The following PTPRN variants were observed in gnomAD, a reference collection of about 807,000 sequenced individuals.
The protein encoded by PTPRN is protein tyrosine phosphatase receptor type N.
In PTPRN, 70 loss-of-function variants were observed where a neutral mutation model predicts 108.5. That is an observed-to-expected ratio of 0.65 (90% CI 0.53 to 0.79). The LOEUF (loss-of-function observed/expected upper bound fraction) is 0.79, where lower values mean the gene tolerates loss of function less well. Ranked by LOEUF, PTPRN falls within the 30% of genes least tolerant of loss-of-function variation. PTPRN has a pLI of 0.00. For synonymous variants in PTPRN, 496 were observed against 524.6 expected (o/e 0.95, Z 0.75); for missense variants, 1,136 against 1,295.5 (o/e 0.88, Z 1.89).
chr2:219,301,394 T>C (rs1279792614), intron 7 of PTPRN, among the ~76,000 whole-genome samples, 194 bp downstream of exon 7: 2 of 152,216 alleles, frequency 1.3e-5, no homozygotes, highest in African/African-American at 2.4e-5. Context: ...AGTCTTTTCC[T>C]GATCTAACTC....
intron 19 of PTPRN, 50 bp downstream of exon 19, chr2:219,294,925 G>GC: frequency 7.1e-7 from 1 of 1,399,164 alleles, no homozygotes; most frequent in Non-Finnish European, 9.2e-7. Flanking sequence ...GCGGACCCCG[G>GC]CTCCGCCCCC....
Position 219,309,213 on chromosome 2 carries a change from C to A in PTPRN, c.115+5G>T. 6.5e-7 allele frequency: 1 copy of A among 1,531,282 alleles called. No individual in the cohort carries two copies. Among genetic ancestry groups the A allele is most frequent in the Non-Finnish European group, 8.8e-7 (1 of 1,139,038 alleles). The allele number at this position is 1,531,282 out of a possible 1,614,324, so 94.9% of individuals were successfully genotyped here. A position where few individuals can be genotyped will look rare whatever the true frequency, so the allele number is the denominator to read the frequency against. The stretch of plus-strand genomic sequence containing the variant: ...ACCACCCGCCAGCCCAAGTTTCCTC[C>A]TGACCGTGGGCACTAACGGCGCTGC... On this transcript the variant is annotated splice_donor_5th_base_variant and intron_variant, in intron 1 of 22. Coordinates refer to ENST00000295718, the MANE Select transcript of PTPRN (RefSeq NM_002846.4).
intron 19 of PTPRN, 84 bp downstream of exon 19, chr2:219,294,891 C>G (rs1285014731): frequency 3.5e-5 from 47 of 1,328,854 alleles, no homozygotes; most frequent in Non-Finnish European, 4.6e-5. Flanking sequence ...CAGGCCCGAC[C>G]CGGGGCTCCA....
Position 219,298,107 on chromosome 2 carries a change from T to G in PTPRN, c.1669-4A>C. On this transcript the variant is annotated splice_polypyrimidine_tract_variant and splice_region_variant and intron_variant, in intron 12 of 22. Transcript: ENST00000295718. Reference sequence around the variant, plus strand: ...GGACTGCAGCTGCCTCCTCCCTCTGTGGGAACAAGGCTAGAATCAAGGGAG... The same window carrying G: ...GGACTGCAGCTGCCTCCTCCCTCTGGGGGAACAAGGCTAGAATCAAGGGAG... The G allele has an allele frequency of 1.9e-6, 3 of 1,611,080 alleles. No homozygotes were observed. Among genetic ancestry groups the G allele is most frequent in the Non-Finnish European group, 2.5e-6 (3 of 1,179,660 alleles).
intron 3 of PTPRN, 21 bp from the exon 4 acceptor site, chr2:219,303,852 G>C (rs759252967): frequency 3.8e-6 from 6 of 1,588,536 alleles, no homozygotes; most frequent in Non-Finnish European, 4.3e-6. Flanking sequence ...AGAGGACAGC[G>C]TAAGTTGGTT....
chr2:219,307,436 G>C lies in PTPRN; in HGVS notation c.280+8C>G. On this transcript the variant is annotated splice_region_variant and intron_variant, in intron 3 of 22. Transcript: ENST00000295718. ...CAATCTCTCTCCTCCAGTGCACCCA[G>C]ACCTTACCTTGGGACATGAGTTGTC... 2 of 1,611,740 alleles carry C rather than the reference G, an allele frequency of 1.2e-6. No homozygotes were observed. Among genetic ancestry groups the C allele is most frequent in the South Asian group, 1.1e-5 (1 of 90,914 alleles).
At position 219,290,682 on chromosome 2, in the gene PTPRN, G is replaced by C; in HGVS notation, c.2795-71C>G. ...GAGGACAGGACCCAGAAAACCTGAG[G>C]CCTCCTGGAGGCAAAGAGCCTTGGA... On this transcript the variant is annotated intron_variant, in intron 21 of 22. Coordinates refer to ENST00000295718, the MANE Select transcript of PTPRN (RefSeq NM_002846.4). This position sits in a 1 kb window ranked among gnomAD's most constrained non-coding sequence, Gnocchi z 4.2. The C allele has an allele frequency of 6.7e-7, 1 of 1,485,708 alleles. No individual in the cohort carries two copies. The highest frequency in any genetic ancestry group is 1.2e-5 in the South Asian group (1 of 83,892). 92.0% of individuals were successfully genotyped at this position (1,485,708 alleles called of 1,614,324 possible). A position where few individuals can be genotyped will look rare whatever the true frequency, so the allele number is the denominator to read the frequency against.
chr2:219,302,033 C>T, intron 6 of PTPRN, 104 bp downstream of exon 6: 2 of 1,101,200 alleles, frequency 1.8e-6, no homozygotes, highest in Non-Finnish European at 1.3e-6. Flanking sequence ...GTATGAATGA[C>T]TTTAAGGACA....
intron 3 of PTPRN, chr2:219,304,045 A>G: frequency 2.4e-6 from 1 of 415,890 alleles, no homozygotes; most frequent in Non-Finnish European, 4.3e-6. Flanking sequence ...TGCCTTTGCT[A>G]CTGATGAATT....
In PTPRN at chr2:219,296,101, G is replaced by A. The variant is rs753612665; in HGVS notation, c.2508+125C>T. On this transcript the variant is annotated intron_variant, in intron 18 of 22. Coordinates refer to ENST00000295718, the MANE Select transcript of PTPRN (RefSeq NM_002846.4). The surrounding 1 kb of genome is among the most constrained non-coding windows in gnomAD (Gnocchi z 6.0). ...ATATTCATATATGTATGAATCATGA[G>A]CAGGGCCAATAAAAGCCTTTTTAAA... 401 of 1,342,508 alleles carry A rather than the reference G, an allele frequency of 3.0e-4. 3 individuals carry two copies. Among genetic ancestry groups the A allele is most frequent in the South Asian group, 7.9e-4 (60 of 75,772 alleles). The allele number at this position is 1,342,508 out of a possible 1,614,324, so 83.2% of individuals were successfully genotyped here. A position where few individuals can be genotyped will look rare whatever the true frequency, so the allele number is the denominator to read the frequency against.
chr2:219,301,656 G>T lies in PTPRN; in HGVS notation c.1058C>A (p.Thr353Asn), dbSNP rs201948312. 8.8e-5 allele frequency: 142 copies of T among 1,613,664 alleles called. 2 individuals carry two copies. The highest frequency in any genetic ancestry group is 6.7e-4 in the East Asian group (30 of 44,878). Residue 353 changes from threonine (T) to asparagine (N), a missense_variant, in exon 7 of 23, where the codon ACC becomes AAC. Physicochemically the swap from Thr to Asn is moderately conservative, Grantham distance 65. Transcript: ENST00000295718. ...AGYGVELRQL[T>N]PEQLSTLLTL... ...CAGGAGTGTGGAGAGCTGCTCAGGG[G>T]TCAGCTGACGCAGCTCTACCCCATA...
Position 219,299,129 on chromosome 2 carries a change from G to A in PTPRN, c.1604-18C>T. ...CACCAGCCCTGCAGGGAGGACAAAGGTCAGGCTTGCTCCAGCCCCATGTGG... is the reference window on the plus strand; with the variant it reads ...CACCAGCCCTGCAGGGAGGACAAAGATCAGGCTTGCTCCAGCCCCATGTGG... On this transcript the variant is annotated intron_variant, in intron 11 of 22. Transcript: ENST00000295718. 6.2e-7 allele frequency: 1 copy of A among 1,614,206 alleles called. No individual in the cohort carries two copies. The highest frequency in any genetic ancestry group is 1.6e-4 in the Middle Eastern group (1 of 6,062).
Position 219,296,667 on chromosome 2 carries a change from G to T in PTPRN, c.2310+82C>A. 1 of 1,571,668 alleles carries T rather than the reference G, an allele frequency of 6.4e-7. No individual in the cohort carries two copies. Among genetic ancestry groups the T allele is most frequent in the African/African-American group, 1.4e-5 (1 of 74,022 alleles). Reference sequence around the variant, plus strand: ...ACCACTCCAGGGGGTTGGTGGGGTGGCAGGTGACCACGGGGAAATGGAGTG... The same window carrying T: ...ACCACTCCAGGGGGTTGGTGGGGTGTCAGGTGACCACGGGGAAATGGAGTG... On this transcript the variant is annotated intron_variant, in intron 16 of 22. Transcript: ENST00000295718. The surrounding 1 kb of genome is among the most constrained non-coding windows in gnomAD (Gnocchi z 6.0).
chr2:219,296,871 T>G lies in PTPRN; in HGVS notation c.2237-49A>C, dbSNP rs1952211205. ...CCAGATGGCCCTCTGGTCATTGGCATCGCGGGACCTCTGCCACTCAGCCTG... is the reference window on the plus strand; with the variant it reads ...CCAGATGGCCCTCTGGTCATTGGCAGCGCGGGACCTCTGCCACTCAGCCTG... On this transcript the variant is annotated intron_variant, in intron 15 of 22. Transcript: ENST00000295718. The surrounding 1 kb of genome is among the most constrained non-coding windows in gnomAD (Gnocchi z 6.0). 1 of 1,613,464 alleles carries G rather than the reference T, an allele frequency of 6.2e-7. No homozygotes were observed. The highest frequency in any genetic ancestry group is 8.5e-7 in the Non-Finnish European group (1 of 1,179,542).
At chr2:219,295,313 T>TGAGCAGTA in intron 18 of PTPRN, 172 bp from the exon 19 acceptor site, 2 of 632,584 alleles carry the variant, frequency 3.2e-6, no homozygotes, top group Admixed American at 3.3e-5. Flanking sequence ...ACTTATCTAC[T>TGAGCAGTA]GCTCAGGACC....
intron 18 of PTPRN, chr2:219,295,975 GACAC>G (rs58673887): frequency 0.056 from 23,261 of 417,510 alleles, 934 homozygotes; most frequent in African/African-American, 0.19. Flanking sequence ...CTCTAGACAG[GACAC>G]ACACACACAC....
At chr2:219,305,982 T>C (rs1395123786) in intron 3 of PTPRN, among the ~76,000 whole-genome samples, 1 of 152,130 alleles carries the variant, frequency 6.6e-6, no homozygotes, top group Non-Finnish European at 1.5e-5. Context: ...AAACCCTGTC[T>C]CTATTAAAAA....
chr2:219,294,572 A>G (rs1952133842), intron 19 of PTPRN, among the ~76,000 whole-genome samples: 1 of 147,290 alleles, frequency 6.8e-6, no homozygotes, highest in Non-Finnish European at 1.5e-5. Flanking sequence ...CGGAGGGGGC[A>G]GCAAGGCAGC....
intron 19 of PTPRN, among the ~76,000 whole-genome samples, chr2:219,293,469 C>T (rs1241852097): frequency 1.3e-5 from 2 of 152,108 alleles, no homozygotes; most frequent in Non-Finnish European, 2.9e-5. Context: ...TGTGAACCAC[C>T]GCGCCCGGCC....
Sources: allele counts gnomAD v4.1 joint callset (sites outside exome capture counted in the v4.1 genomes callset), GRCh38; gene constraint gnomAD v4.1.1; non-coding constraint Gnocchi (gnomAD v3.1); transcripts MANE v1.5; gene names NCBI Gene and HGNC (gene_info 2026-07-23, HGNC 2026-07-21).